The following PIK3R6 variants were observed in gnomAD, a reference collection of about 807,000 sequenced individuals.
PIK3R6 encodes phosphoinositide 3-kinase regulatory subunit 6.
In PIK3R6, 91 loss-of-function variants were observed where a neutral mutation model predicts 84.9. The ratio of observed to expected loss-of-function variants is 1.07; its 90% CI spans 0.90 to 1.28. The LOEUF (loss-of-function observed/expected upper bound fraction) is 1.28, where lower values mean the gene tolerates loss of function less well. Ranked by LOEUF, PIK3R6 falls within the 50% of genes most tolerant of loss-of-function variation. The pLI is 0.00. For synonymous variants in PIK3R6, 416 were observed against 411.4 expected, an observed-to-expected ratio of 1.01 and a Z score of -0.13; for missense variants, 996 against 985.1, an observed-to-expected ratio of 1.01 and a Z score of -0.15.
Position 8,828,123 on chromosome 17 carries a change from G to C in PIK3R6, c.1381C>G (p.Leu461Val). ...CGCGGTCCAGTCACCTCAGGCGCCA[G>C]CACGGGGATGTAGTAGAGCTGCAGG... ...LSLQLYYIPV[L>V]APEKPAASRQ... The change falls in exon 12 of 20, where the codon CTG (leucine) becomes GTG (valine). Residue 461 changes from leucine to valine, a missense_variant. Coordinates refer to ENST00000619866, the MANE Select transcript of PIK3R6 (RefSeq NM_001010855.4). 1 of 1,613,914 alleles carries C rather than the reference G, an allele frequency of 6.2e-7. No individual in the cohort carries two copies. Among genetic ancestry groups the C allele is most frequent in the Non-Finnish European group, 8.5e-7 (1 of 1,179,840 alleles).
At chr17:8,851,039 C>T (rs2088943829) in intron 1 of PIK3R6, among the ~76,000 whole-genome samples, 1 of 151,868 alleles carries the variant, frequency 6.6e-6, no homozygotes, top group Non-Finnish European at 1.5e-5. Flanking sequence ...TTAATCTGCT[C>T]CAAAGCATGG....
At chr17:8,833,643 G>A (rs948048675) in intron 8 of PIK3R6, among the ~76,000 whole-genome samples, 1 of 150,254 alleles carries the variant, frequency 6.7e-6, no homozygotes, top group Non-Finnish European at 1.5e-5. Flanking sequence ...CTGGGTTCAA[G>A]CGATTCTCCT....
In PIK3R6 at chr17:8,835,365, G is replaced by A; in HGVS notation, c.553C>T (p.Pro185Ser). 1 of 1,611,960 alleles carries A rather than the reference G, an allele frequency of 6.2e-7. No homozygotes were observed. Among genetic ancestry groups the A allele is most frequent in the Non-Finnish European group, 8.5e-7 (1 of 1,178,608 alleles). The change falls in exon 8 of 20, where the codon CCA (proline) becomes TCA (serine). Residue 185 changes from proline to serine, a missense_variant. Physicochemically the swap from Pro to Ser is moderately conservative, Grantham distance 74. Coordinates refer to ENST00000619866, the MANE Select transcript of PIK3R6 (RefSeq NM_001010855.4). ...ACCACGTGGCGCATGCAGGTCTCTG[G>A]TGTCTGCTGCGCCTGGGCCGCCTCG... ...EIEAAQAQQTPETCMRHVVSH... is the reference protein window; with the variant it reads ...EIEAAQAQQTSETCMRHVVSH...
intron 2 of PIK3R6, among the ~76,000 whole-genome samples, chr17:8,846,168 C>T (rs2088810679): frequency 6.6e-6 from 1 of 152,102 alleles, no homozygotes; most frequent in South Asian, 2.1e-4. Context: ...CAGTTTCATT[C>T]TTCTGCATAT....
At chr17:8,850,920 G>A (rs1470269161) in intron 1 of PIK3R6, among the ~76,000 whole-genome samples, 1 of 152,188 alleles carries the variant, frequency 6.6e-6, no homozygotes, top group East Asian at 1.9e-4. Flanking sequence ...TGTAACCAGT[G>A]AGGAAATAGA....
chr17:8,823,520 C>A, intron 13 of PIK3R6, 23 bp from the exon 14 acceptor site: 1 of 1,514,102 alleles, frequency 6.6e-7, no homozygotes, highest in East Asian at 2.3e-5. Context: ...CAGGGAATGT[C>A]TTCACCAACT....
At chr17:8,849,485 G>A (rs1038713252) in intron 2 of PIK3R6, among the ~76,000 whole-genome samples, 1 of 152,202 alleles carries the variant, frequency 6.6e-6, no homozygotes, top group East Asian at 1.9e-4. Context: ...TCCATTGTAA[G>A]TGCTATATAG....
At chr17:8,824,722 A>G (rs2151218241) in intron 13 of PIK3R6, among the ~76,000 whole-genome samples, 1 of 152,342 alleles carries the variant, frequency 6.6e-6, no homozygotes, top group Admixed American at 6.5e-5. Context: ...TGGGGCCTGC[A>G]TCAAATGTTC....
chr17:8,805,783 T>A (rs2087187465), intron 18 of PIK3R6, among the ~76,000 whole-genome samples: 1 of 152,062 alleles, frequency 6.6e-6, no homozygotes, highest in Non-Finnish European at 1.5e-5. Context: ...CCAGGCGTAG[T>A]GGCGGGCATC....
Position 8,835,355 on chromosome 17 carries a change from CAG to C in PIK3R6, c.561_562del (p.Cys188HisfsTer81). On this transcript the variant is annotated frameshift_variant, in exon 8 of 20. Transcript: ENST00000619866. LOFTEE classifies it high-confidence loss of function. ...GGCGTGGGAGACCACGTGGCGCATG[CAG>C]GTCTCTGGTGTCTGCTGCGCCTGGG... The C allele has an allele frequency of 6.2e-7, 1 of 1,611,298 alleles. No homozygotes were observed. The highest frequency in any genetic ancestry group is 8.5e-7 in the Non-Finnish European group (1 of 1,178,204).
intron 18 of PIK3R6, among the ~76,000 whole-genome samples, chr17:8,818,374 C>T (rs866805428): frequency 3.3e-5 from 5 of 152,112 alleles, no homozygotes; most frequent in Non-Finnish European, 5.9e-5. Flanking sequence ...ACTGGCCAGG[C>T]GTGGTGGCTC....
rs2089297830 is a variant in PIK3R6 at position 8,862,013 on chromosome 17, TATG to T, written c.-92+5513_-92+5515del. Among the ~76,000 whole-genome samples, 1 of 152,218 alleles carries T rather than the reference TATG, an allele frequency of 6.6e-6. No homozygotes were observed. Among genetic ancestry groups the T allele is most frequent in the Non-Finnish European group, 1.5e-5 (1 of 68,036 alleles). ...AAACTGCAAAGTTATGGCCACAGTGTATGATAAGTGCTTCATTAAGATAGAAAG... is the reference window on the plus strand; with the variant it reads ...AAACTGCAAAGTTATGGCCACAGTGTATAAGTGCTTCATTAAGATAGAAAG... On this transcript the variant is annotated intron_variant, in intron 1 of 19. Transcript: ENST00000619866. The surrounding 1 kb of genome is among the most constrained non-coding windows in gnomAD (Gnocchi z 4.3).
At position 8,803,646 on chromosome 17, in the gene PIK3R6, C is replaced by T. The variant is rs562452085; in HGVS notation, c.2109-217G>A. The T allele has an allele frequency of 1.7e-4, 97 of 567,908 alleles. 1 individual carries two copies. The South Asian group carries it at 2.0e-3, about 11-fold the overall frequency. 35.2% of individuals were successfully genotyped at this position (567,908 alleles called of 1,614,324 possible). ...GAGACACTTGGAGCAAGTAACTCTG[C>T]GCATGCCTCCCTTACCCAAACACAC... On this transcript the variant is annotated intron_variant, in intron 19 of 19. Transcript: ENST00000619866. This position sits in a 1 kb window ranked among gnomAD's most constrained non-coding sequence, Gnocchi z 5.0.
At chr17:8,855,641 C>T (rs900278791) in intron 1 of PIK3R6, among the ~76,000 whole-genome samples, 8 of 152,286 alleles carry the variant, frequency 5.3e-5, no homozygotes, top group South Asian at 2.1e-4. Flanking sequence ...ATGTGCAGAA[C>T]GTGCAGGTTT....
intron 1 of PIK3R6, among the ~76,000 whole-genome samples, chr17:8,856,527 A>G (rs981036142): frequency 1.3e-5 from 2 of 152,204 alleles, no homozygotes; most frequent in Non-Finnish European, 1.5e-5. Context: ...GCTTGAACCC[A>G]GGAGATGGAG....
At position 8,844,155 on chromosome 17, in the gene PIK3R6, T is replaced by A. The variant is rs984837973; in HGVS notation, c.14-4458A>T. 3.3e-5 allele frequency among the ~76,000 whole-genome samples: 5 copies of A among 152,028 alleles called. No homozygotes were observed. Among genetic ancestry groups the A allele is most frequent in the African/African-American group, 1.2e-4 (5 of 41,374 alleles). On this transcript the variant is annotated intron_variant, in intron 2 of 19. Coordinates refer to ENST00000619866, the MANE Select transcript of PIK3R6 (RefSeq NM_001010855.4). The surrounding 1 kb of genome is among the most constrained non-coding windows in gnomAD (Gnocchi z 4.5). ...TGTGCCTCTGATGCCACAGCAAAGG[T>A]CTCCTGAGCCATCTTCACCAGAGCA... is the stretch of plus-strand genomic sequence containing the variant.
chr17:8,863,988 T>A (rs2089343780), intron 1 of PIK3R6, among the ~76,000 whole-genome samples: 2 of 152,160 alleles, frequency 1.3e-5, no homozygotes, highest in Admixed American at 1.3e-4. Context: ...TGCCCAGTGT[T>A]TTTAAGGGAC....
intron 18 of PIK3R6, among the ~76,000 whole-genome samples, chr17:8,805,708 G>A (rs1447807988): frequency 6.6e-6 from 1 of 152,126 alleles, no homozygotes; most frequent in Non-Finnish European, 1.5e-5. Context: ...CTGAGGTCAG[G>A]AGTTCGAGAT....
chr17:8,815,487 AG>A lies in PIK3R6; in HGVS notation c.1995+3595del, dbSNP rs537405047. 2.9e-3 allele frequency among the ~76,000 whole-genome samples: 441 copies of A among 151,848 alleles called. 5 individuals carry two copies. Among genetic ancestry groups the A allele is most frequent in the African/African-American group, 0.01 (423 of 41,256 alleles). On this transcript the variant is annotated intron_variant, in intron 18 of 19. Coordinates refer to ENST00000619866, the MANE Select transcript of PIK3R6 (RefSeq NM_001010855.4). Reference sequence around the variant, plus strand: ...CACCACTGCACTCCAACCTGGCAACAGAGTGAGACTCAGTCTCAGAAAAAAA... The same window carrying A: ...CACCACTGCACTCCAACCTGGCAACAAGTGAGACTCAGTCTCAGAAAAAAA...
Sources: gnomAD v4.1 joint callset for allele counts (sites outside exome capture counted in the v4.1 genomes callset) on GRCh38, gnomAD v4.1.1 for gene constraint, Gnocchi (gnomAD v3.1) non-coding constraint, MANE v1.5 for transcripts, NCBI Gene and HGNC (gene_info 2026-07-23, HGNC 2026-07-21) for gene names.